Variants in NIPBL observed in about 807,000 individuals in gnomAD.
The protein encoded by NIPBL is nipped-B-like protein.
In NIPBL, 19 loss-of-function variants were observed where a neutral mutation model predicts 321.8. The ratio of observed to expected loss-of-function variants is 0.06; its 90% CI spans 0.04 to 0.09. The LOEUF is 0.09. NIPBL is among the 10% of genes least tolerant of loss of function. The probability of loss-of-function intolerance (pLI) is 1.00; values close to 1 mark genes in which losing one functional copy is unlikely to be tolerated. For missense variants in NIPBL, 2,210 were observed against 3,327.0 expected (o/e 0.66, Z 8.26); for synonymous variants, 1,106 against 1,114.1 (o/e 0.99, Z 0.14).
intron 32 of NIPBL, among the ~76,000 whole-genome samples, chr5:37,028,840 G>A (rs1750622235): frequency 6.6e-6 from 1 of 152,220 alleles, no homozygotes; most frequent in Non-Finnish European, 1.5e-5. Flanking sequence ...GTTTGCAGTT[G>A]CTTTGGTTGA....
intron 32 of NIPBL, among the ~76,000 whole-genome samples, chr5:37,031,812 A>G (rs1187084675): frequency 6.6e-6 from 1 of 152,260 alleles, no homozygotes. Flanking sequence ...TAGATAAATA[A>G]TGAAAACATT....
Position 36,877,141 on chromosome 5 carries a change from C to G in NIPBL, c.-117C>G, listed in dbSNP as rs1274701133. 9.3e-6 allele frequency: 3 copies of G among 320,858 alleles called. No individual in the cohort carries two copies. Among genetic ancestry groups the G allele is most frequent in the Non-Finnish European group, 1.7e-5 (3 of 177,630 alleles). 19.9% of individuals were successfully genotyped at this position (320,858 alleles called of 1,614,324 possible). A position where few individuals can be genotyped will look rare whatever the true frequency, so the allele number is the denominator to read the frequency against. On this transcript the variant is annotated 5_prime_UTR_variant, in exon 1 of 47. Coordinates refer to ENST00000282516, the MANE Select transcript of NIPBL (RefSeq NM_133433.4). ...GATTATAGTCTCTCGCCACAGCGGC[C>G]TCGGCCTCCCCTTGGATTCAGACGC... is the stretch of plus-strand genomic sequence containing the variant.
intron 4 of NIPBL, among the ~76,000 whole-genome samples, chr5:36,959,440 A>C (rs973740554): frequency 6.6e-6 from 1 of 152,198 alleles, no homozygotes; most frequent in African/African-American, 2.4e-5. Flanking sequence ...CCTTTTAGCA[A>C]GTTGAAGGTA....
chr5:37,047,678 A>G (rs1436794370), intron 38 of NIPBL, among the ~76,000 whole-genome samples: 2 of 152,238 alleles, frequency 1.3e-5, no homozygotes, highest in Admixed American at 1.3e-4. Context: ...TATTGCCTCT[A>G]GACCAGTTAA....
At chr5:37,013,407 CA>C (rs1748479063) in intron 21 of NIPBL, among the ~76,000 whole-genome samples, 1 of 151,936 alleles carries the variant, frequency 6.6e-6, no homozygotes, top group South Asian at 2.1e-4. Flanking sequence ...CCTCACTTCC[CA>C]GACAGGGTGG....
At chr5:36,894,837 T>G (rs1457334811) in intron 1 of NIPBL, among the ~76,000 whole-genome samples, 1 of 152,216 alleles carries the variant, frequency 6.6e-6, no homozygotes, top group Non-Finnish European at 1.5e-5. Context: ...TTTATTTTGT[T>G]TTATTTTTAC....
In NIPBL at chr5:36,985,475, G is replaced by T; in HGVS notation, c.2295G>T (p.Arg765Ser). The change falls in exon 10 of 47, where the codon AGG becomes AGT. Residue 765 changes from arginine (R) to serine (S), a missense_variant. Coordinates refer to ENST00000282516, the MANE Select transcript of NIPBL (RefSeq NM_133433.4). ...CACCAAAACACAGGCATGACAATAG[G>T]AGGGATTCTGGAAAGCCATCTACAG... ...PETPKHRHDN[R>S]RDSGKPSTEK... is the part of the protein sequence containing the mutation. 6.2e-7 allele frequency: 1 copy of T among 1,613,676 alleles called. No homozygotes were observed. Among genetic ancestry groups the T allele is most frequent in the Non-Finnish European group, 8.5e-7 (1 of 1,179,952 alleles).
In NIPBL at chr5:37,057,225, C is replaced by T. The variant is rs1754194509; in HGVS notation, c.7303C>T (p.Leu2435=). 1 of 1,613,766 alleles carries T rather than the reference C, an allele frequency of 6.2e-7. No homozygotes were observed. Among genetic ancestry groups the T allele is most frequent in the Non-Finnish European group, 8.5e-7 (1 of 1,179,906 alleles). ...VTMLLYIADN[L]ACFPYQTQEE... ...TATGCTCTTGTATATAGCAGACAAT[C>T]TAGCCTGTTTTCCATACCAGACACA... is the stretch of plus-strand genomic sequence containing the variant. Residue 2435 remains leucine (L), a synonymous_variant, in exon 43 of 47, where the codon CTA becomes TTA. Transcript: ENST00000282516.
intron 32 of NIPBL, among the ~76,000 whole-genome samples, chr5:37,032,727 A>G (rs1204599471): frequency 6.6e-6 from 1 of 152,104 alleles, no homozygotes; most frequent in Non-Finnish European, 1.5e-5. Flanking sequence ...GTGAACTATG[A>G]TTGTGCCACT....
At chr5:37,046,068 T>G (rs377558161) in intron 37 of NIPBL, 41 bp from the exon 38 acceptor site, 816 of 980,522 alleles carry the variant, frequency 8.3e-4, no homozygotes, top group Non-Finnish European at 1.0e-3. Flanking sequence ...TTAATCTAAG[T>G]TACTGTTCAT....
intron 9 of NIPBL, among the ~76,000 whole-genome samples, chr5:36,983,530 A>T (rs1172184973): frequency 6.6e-6 from 1 of 151,990 alleles, no homozygotes; most frequent in Non-Finnish European, 1.5e-5. Context: ...CATCTTCCTT[A>T]TATGATATAT....
rs886043018 is a variant in NIPBL, at chr5:37,006,479, T to C, written c.3978T>C (p.Ala1326=). ...TGACATCCCCTAACATGCCAAAAGC[T>C]GTGTACATTGAGGATGTAATTGAAA... The part of the protein sequence containing the change: ...NIMTSPNMPK[A]VYIEDVIERV... Residue 1326 remains alanine (A), a synonymous_variant, in exon 17 of 47, where the codon GCT becomes GCC. Coordinates refer to ENST00000282516, the MANE Select transcript of NIPBL (RefSeq NM_133433.4). 1 of 1,612,232 alleles carries C rather than the reference T, an allele frequency of 6.2e-7. No individual in the cohort carries two copies. Among genetic ancestry groups the C allele is most frequent in the East Asian group, 2.2e-5 (1 of 44,754 alleles).
chr5:36,897,888 GAAAAA>G (rs34089902), intron 1 of NIPBL, among the ~76,000 whole-genome samples: 3 of 96,784 alleles, frequency 3.1e-5, no homozygotes, highest in Non-Finnish European at 6.3e-5. Flanking sequence ...GTCATACAGG[GAAAAA>G]AAAAAAAAAA....
intron 35 of NIPBL, 48 bp from the exon 36 acceptor site, chr5:37,044,588 A>G (rs748916534): frequency 6.3e-7 from 1 of 1,576,438 alleles, no homozygotes; most frequent in South Asian, 1.1e-5. Context: ...TAAGTTTTTA[A>G]AATAGTATAT....
chr5:36,919,101 T>G (rs1748713748), intron 1 of NIPBL, among the ~76,000 whole-genome samples: 1 of 152,152 alleles, frequency 6.6e-6, no homozygotes, highest in African/African-American at 2.4e-5. Context: ...GAAGGAATGG[T>G]ACCAGCTCCT....
intron 6 of NIPBL, among the ~76,000 whole-genome samples, chr5:36,962,637 C>T (rs1002528947): frequency 1.4e-4 from 21 of 152,146 alleles, no homozygotes; most frequent in African/African-American, 5.1e-4. Context: ...TAGATACAGT[C>T]AGCCTTTCAC....
chr5:36,886,831 T>G (rs1427556410), intron 1 of NIPBL, among the ~76,000 whole-genome samples: 1 of 151,832 alleles, frequency 6.6e-6, no homozygotes, highest in Non-Finnish European at 1.5e-5. Context: ...TCTATAGTTT[T>G]TCCTTTTCTA....
intron 1 of NIPBL, among the ~76,000 whole-genome samples, chr5:36,915,203 A>G (rs1057345946): frequency 6.6e-6 from 1 of 152,144 alleles, no homozygotes; most frequent in African/African-American, 2.4e-5. Flanking sequence ...TGAAATGTCT[A>G]CATATAATAG....
Position 37,020,630 on chromosome 5 carries a change from A to G in NIPBL, c.5182A>G (p.Arg1728Gly), listed in dbSNP as rs772765625. ...HRAENRKKFLRSIIKTTPSQF... is the reference protein window; with the variant it reads ...HRAENRKKFLGSIIKTTPSQF... Reference sequence around the variant, plus strand: ...AGCTGAAAACCGAAAAAAGTTTCTTAGAAGCATTATCAAAACCACACCTTC... The same window carrying G: ...AGCTGAAAACCGAAAAAAGTTTCTTGGAAGCATTATCAAAACCACACCTTC... Residue 1728 changes from arginine (R) to glycine (G), a missense_variant, in exon 26 of 47, where the codon AGA (arginine) becomes GGA (glycine). By Grantham distance (125) the Arg-to-Gly change is moderately radical. Transcript: ENST00000282516. 2.5e-6 allele frequency: 4 copies of G among 1,614,034 alleles called. No individual in the cohort carries two copies. Among genetic ancestry groups the G allele is most frequent in the Admixed American group, 1.7e-5 (1 of 60,018 alleles).
Sources: allele counts gnomAD v4.1 joint callset (sites outside exome capture counted in the v4.1 genomes callset), GRCh38; gene constraint gnomAD v4.1.1; transcripts MANE v1.5; gene names NCBI Gene and HGNC (gene_info 2026-07-23, HGNC 2026-07-21).